Variants in KIAA0825 observed in about 807,000 individuals in gnomAD.
KIAA0825 encodes uncharacterized protein KIAA0825.
In KIAA0825, 119 loss-of-function variants were observed where a neutral mutation model predicts 147.6. The observed-to-expected ratio is 0.81, with a 90% CI of 0.69 to 0.94. The LOEUF (loss-of-function observed/expected upper bound fraction) is 0.94, where lower values mean the gene tolerates loss of function less well. Among genes scored for constraint, KIAA0825 ranks in the 40% least tolerant of loss-of-function variants. KIAA0825 has a pLI of 0.00. For synonymous variants in KIAA0825, 470 were observed against 518.1 expected (o/e 0.91, Z 1.26); for missense variants, 1,381 against 1,472.7 (o/e 0.94, Z 1.02).
At chr5:94,364,417 T>G in intron 20 of KIAA0825, among the ~76,000 whole-genome samples, 1 of 151,994 alleles carries the variant, frequency 6.6e-6, no homozygotes, top group Non-Finnish European at 1.5e-5. Context: ...AGTCTTGCTC[T>G]GTCGCCCAGG....
At chr5:94,601,892 C>A (rs12522312) in intron 1 of KIAA0825, among the ~76,000 whole-genome samples, 4 of 151,994 alleles carry the variant, frequency 2.6e-5, no homozygotes, top group African/African-American at 9.7e-5. Context: ...TATGGGGTTA[C>A]GTAAAAAGAT....
chr5:94,514,772 T>C (rs1766970571), intron 5 of KIAA0825, among the ~76,000 whole-genome samples: 1 of 152,218 alleles, frequency 6.6e-6, no homozygotes, highest in South Asian at 2.1e-4. Flanking sequence ...TGATCTTGTG[T>C]CTCCCTAGTC....
At chr5:94,337,984 T>C (rs1022118261) in intron 20 of KIAA0825, among the ~76,000 whole-genome samples, 3 of 152,120 alleles carry the variant, frequency 2.0e-5, no homozygotes, top group African/African-American at 7.2e-5. Context: ...TAGGAGATGA[T>C]GGTACCTTAC....
chr5:94,602,555 G>T (rs540219475), intron 1 of KIAA0825, among the ~76,000 whole-genome samples: 1 of 152,262 alleles, frequency 6.6e-6, no homozygotes, highest in Non-Finnish European at 1.5e-5. Flanking sequence ...ATTGAATCAA[G>T]GGAGTGCTTA....
chr5:94,305,696 G>A lies in KIAA0825; in HGVS notation c.3710+78672C>T, dbSNP rs529365778. The stretch of plus-strand genomic sequence containing the variant: ...TTTTATTCACTGAAAATGTGGCATG[G>A]TACATCAAACATAAAACCCAAGAAA... On this transcript the variant is annotated intron_variant, in intron 20 of 20. Transcript: ENST00000682413. 2.0e-5 allele frequency among the ~76,000 whole-genome samples: 3 copies of A among 151,992 alleles called. No individual in the cohort carries two copies. In the East Asian group the frequency reaches 5.8e-4, roughly 30 times the overall value.
chr5:94,213,882 G>A (rs1772971680), intron 20 of KIAA0825, among the ~76,000 whole-genome samples: 2 of 152,110 alleles, frequency 1.3e-5, no homozygotes, highest in South Asian at 2.1e-4. Flanking sequence ...ATCATGGCAC[G>A]TAACATGCTG....
At chr5:94,209,287 A>C (rs150574837) in intron 20 of KIAA0825, among the ~76,000 whole-genome samples, 1 of 152,242 alleles carries the variant, frequency 6.6e-6, no homozygotes, top group Non-Finnish European at 1.5e-5. Context: ...AGAAACACAC[A>C]TAACACATAC....
intron 2 of KIAA0825, among the ~76,000 whole-genome samples, chr5:94,542,609 C>A (rs546633113): frequency 5.1e-4 from 78 of 152,206 alleles, no homozygotes; most frequent in African/African-American, 1.7e-3. Flanking sequence ...GAGTTTGAGA[C>A]CAGCCTGGTC....
intron 5 of KIAA0825, among the ~76,000 whole-genome samples, chr5:94,513,221 C>CA (rs1766757949): frequency 1.3e-5 from 2 of 151,830 alleles, no homozygotes; most frequent in East Asian, 1.9e-4. Flanking sequence ...TTTTCTAAGT[C>CA]AAAAAATGAG....
chr5:94,593,050 C>A, intron 1 of KIAA0825: 2 of 686,510 alleles, frequency 2.9e-6, no homozygotes, highest in South Asian at 1.5e-5. Context: ...TGTCAGAGAC[C>A]ATTCTCAATT....
intron 16 of KIAA0825, among the ~76,000 whole-genome samples, chr5:94,396,950 C>A (rs902635343): frequency 6.6e-6 from 1 of 152,018 alleles, no homozygotes; most frequent in Non-Finnish European, 1.5e-5. Context: ...CAGTTCTCAA[C>A]CCAAATGTGA....
intron 3 of KIAA0825, among the ~76,000 whole-genome samples, chr5:94,527,362 T>C: frequency 6.6e-6 from 1 of 152,008 alleles, no homozygotes; most frequent in Non-Finnish European, 1.5e-5. Context: ...TATTATAAAG[T>C]TCTTATAAGA....
intron 20 of KIAA0825, among the ~76,000 whole-genome samples, chr5:94,319,537 C>T (rs903614143): frequency 6.6e-6 from 1 of 151,870 alleles, no homozygotes; most frequent in Non-Finnish European, 1.5e-5. Context: ...TGATTCTCTC[C>T]CAGGTTTCCT....
intron 20 of KIAA0825, among the ~76,000 whole-genome samples, chr5:94,227,536 T>G (rs1774306001): frequency 6.7e-6 from 1 of 149,852 alleles, no homozygotes; most frequent in African/African-American, 2.5e-5. Context: ...ACCCTAAAAC[T>G]TAAAGGATAA....
At chr5:94,454,730 A>T (rs1236310070) in intron 12 of KIAA0825, among the ~76,000 whole-genome samples, 1 of 152,172 alleles carries the variant, frequency 6.6e-6, no homozygotes, top group Non-Finnish European at 1.5e-5. Flanking sequence ...TAGAAAAATA[A>T]CTTTAGCAGT....
chr5:94,212,584 C>A (rs143059214), intron 20 of KIAA0825, among the ~76,000 whole-genome samples: 1 of 152,292 alleles, frequency 6.6e-6, no homozygotes, highest in Non-Finnish European at 1.5e-5. Context: ...TCCACATTTA[C>A]ACGGGATACC....
At chr5:94,278,348 G>T (rs1026019171) in intron 20 of KIAA0825, among the ~76,000 whole-genome samples, 2 of 152,052 alleles carry the variant, frequency 1.3e-5, no homozygotes, top group African/African-American at 4.8e-5. Context: ...ATGGAAATAA[G>T]TATATTAAGG....
chr5:94,290,597 T>C (rs536219432), intron 20 of KIAA0825, among the ~76,000 whole-genome samples: 2 of 152,316 alleles, frequency 1.3e-5, no homozygotes, highest in Admixed American at 1.3e-4. Flanking sequence ...TAAACATCCA[T>C]GTGCATGTGT....
intron 6 of KIAA0825, among the ~76,000 whole-genome samples, chr5:94,479,254 T>A (rs148856225): frequency 1.8e-3 from 279 of 152,190 alleles, no homozygotes; most frequent in African/African-American, 6.4e-3. Context: ...TACACATCCC[T>A]CCTCCCCATA....
Sources: allele counts gnomAD v4.1 joint callset (sites outside exome capture counted in the v4.1 genomes callset), GRCh38; gene constraint gnomAD v4.1.1; transcripts MANE v1.5; gene names NCBI Gene and HGNC (gene_info 2026-07-23, HGNC 2026-07-21).